The following KIRREL3 variants were observed in gnomAD, a reference collection of about 807,000 sequenced individuals.
KIRREL3 encodes kin of IRRE-like protein 3.
A neutral mutation model predicts 89.7 loss-of-function variants in KIRREL3; 36 were observed. The observed-to-expected ratio is 0.40, with a 90% CI of 0.31 to 0.53. The LOEUF is 0.53. KIRREL3 is among the 20% of genes least tolerant of loss of function. The probability of loss-of-function intolerance (pLI) is 0.49; values close to 1 mark genes in which losing one functional copy is unlikely to be tolerated. For missense variants in KIRREL3, 864 were observed against 1,056.6 expected (o/e 0.82, Z 2.53); for synonymous variants, 445 against 441.4 (o/e 1.01, Z -0.10).
In KIRREL3 at chr11:126,898,236, G is replaced by C. The variant is rs1361549446; in HGVS notation, c.55+102219C>G. On this transcript the variant is annotated intron_variant, in intron 1 of 16. Coordinates refer to ENST00000525144, the MANE Select transcript of KIRREL3 (RefSeq NM_032531.4). This position sits in a 1 kb window ranked among gnomAD's most constrained non-coding sequence, Gnocchi z 4.9. ...TGAAACACTACTTTATGCCAATTAG[G>C]TTAGCAAGAATTAGAAAACTGAAGG... 6.6e-6 allele frequency among the ~76,000 whole-genome samples: 1 copy of C among 152,146 alleles called. No individual in the cohort carries two copies. The highest frequency in any genetic ancestry group is 1.5e-5 in the Non-Finnish European group (1 of 68,034).
chr11:126,925,578 C>T (rs1454782149), intron 1 of KIRREL3, among the ~76,000 whole-genome samples: 3 of 152,176 alleles, frequency 2.0e-5, no homozygotes, highest in Non-Finnish European at 2.9e-5. Context: ...CCTGCCCTCT[C>T]CTCCTTGGCA....
At chr11:126,701,986 T>C (rs1397915815) in intron 1 of KIRREL3, among the ~76,000 whole-genome samples, 1 of 152,178 alleles carries the variant, frequency 6.6e-6, no homozygotes, top group East Asian at 1.9e-4. Flanking sequence ...TAGGTCTCCT[T>C]CCTTTCTTTA....
At chr11:126,920,221 C>T (rs1273283380) in intron 1 of KIRREL3, 1 of 152,534 alleles carries the variant, frequency 6.6e-6, no homozygotes, top group Non-Finnish European at 1.5e-5. Flanking sequence ...TATTATTGCT[C>T]TTGCACAATC....
chr11:126,695,763 C>A (rs12798021), intron 1 of KIRREL3, among the ~76,000 whole-genome samples: 5,717 of 152,224 alleles, frequency 0.038, 128 homozygotes, highest in Middle Eastern at 0.1. Flanking sequence ...GGGAAGGAGG[C>A]AGGGAGAGGG....
Position 126,965,037 on chromosome 11 carries a change from C to T in KIRREL3, c.55+35418G>A, listed in dbSNP as rs964715702. Among the ~76,000 whole-genome samples, 5 of 152,168 alleles carry T rather than the reference C, an allele frequency of 3.3e-5. No homozygotes were observed. Among genetic ancestry groups the T allele is most frequent in the Non-Finnish European group, 7.3e-5 (5 of 68,032 alleles). On this transcript the variant is annotated intron_variant, in intron 1 of 16. Transcript: ENST00000525144. This position sits in a 1 kb window ranked among gnomAD's most constrained non-coding sequence, Gnocchi z 4.4. ...CTAGCAGATGCATAAAAGTGTTGTACTCCCAACTCAACAGATGGGATATTA... is the reference window on the plus strand; with the variant it reads ...CTAGCAGATGCATAAAAGTGTTGTATTCCCAACTCAACAGATGGGATATTA...
chr11:126,532,398 G>A (rs188837845), intron 2 of KIRREL3, among the ~76,000 whole-genome samples: 92 of 139,016 alleles, frequency 6.6e-4, no homozygotes, highest in South Asian at 3.5e-3. Context: ...ATTTTGAGAC[G>A]GAGTCTTGCT....
intron 1 of KIRREL3, among the ~76,000 whole-genome samples, chr11:126,964,264 C>T (rs991631331): frequency 2.6e-5 from 4 of 152,154 alleles, no homozygotes; most frequent in African/African-American, 9.7e-5. Context: ...GTGAAAGCAA[C>T]ACATCTGTTC....
intron 4 of KIRREL3, among the ~76,000 whole-genome samples, chr11:126,509,135 T>C (rs1484326055): frequency 6.6e-6 from 1 of 152,206 alleles, no homozygotes; most frequent in Non-Finnish European, 1.5e-5. Context: ...CTCCTAGGCA[T>C]GAGCATCTTA....
intron 10 of KIRREL3, chr11:126,440,827 G>A (rs1039022740): frequency 5.7e-6 from 3 of 523,206 alleles, no homozygotes; most frequent in African/African-American, 1.9e-5. Context: ...AGTACCACAG[G>A]AGCGGTGCAG....
rs992088687 is a variant in KIRREL3 at position 126,516,758 on chromosome 11, C to T, written c.433+4557G>A. ...TTCAATATTTTTCAACCCTGGGATT[C>T]CTGTAGGTGGAAGAAGGAGCAGTCT... On this transcript the variant is annotated intron_variant, in intron 4 of 16. Coordinates refer to ENST00000525144, the MANE Select transcript of KIRREL3 (RefSeq NM_032531.4). This position sits in a 1 kb window ranked among gnomAD's most constrained non-coding sequence, Gnocchi z 4.9. Among the ~76,000 whole-genome samples the T allele has an allele frequency of 1.3e-5, 2 of 152,124 alleles. No individual in the cohort carries two copies. The highest frequency in any genetic ancestry group is 6.5e-5 in the Admixed American group (1 of 15,280).
Position 126,879,409 on chromosome 11 carries a change from G to A in KIRREL3, c.55+121046C>T, listed in dbSNP as rs1004126218. Among the ~76,000 whole-genome samples the A allele has an allele frequency of 6.6e-5, 10 of 152,186 alleles. No homozygotes were observed. Among genetic ancestry groups the A allele is most frequent in the East Asian group, 1.9e-4 (1 of 5,200 alleles). On this transcript the variant is annotated intron_variant, in intron 1 of 16. Coordinates refer to ENST00000525144, the MANE Select transcript of KIRREL3 (RefSeq NM_032531.4). The surrounding 1 kb of genome is among the most constrained non-coding windows in gnomAD (Gnocchi z 5.4). ...CTTTTTTGTGGCAGCCAGCTGTACC[G>A]GAGAAGCAGCTGATGAGGTTGCAGT...
At chr11:126,848,945 A>G (rs994619100) in intron 1 of KIRREL3, among the ~76,000 whole-genome samples, 1 of 152,200 alleles carries the variant, frequency 6.6e-6, no homozygotes, top group Non-Finnish European at 1.5e-5. Context: ...TAGGATTAAG[A>G]GTTCTCTTAT....
Position 127,000,359 on chromosome 11 carries a change from G to C in KIRREL3, c.55+96C>G. 1.0e-6 allele frequency: 1 copy of C among 979,758 alleles called. No individual in the cohort carries two copies. Among genetic ancestry groups the C allele is most frequent in the Non-Finnish European group, 1.5e-6 (1 of 658,774 alleles). The allele number at this position is 979,758 out of a possible 1,614,324, so 60.7% of individuals were successfully genotyped here. A position where few individuals can be genotyped will look rare whatever the true frequency, so the allele number is the denominator to read the frequency against. ...CACCGAGAGACGCATCCATCAGTCCGAGTTCCCGAAGCCTGCCCACGTTCC... is the reference window on the plus strand; with the variant it reads ...CACCGAGAGACGCATCCATCAGTCCCAGTTCCCGAAGCCTGCCCACGTTCC... On this transcript the variant is annotated intron_variant, in intron 1 of 16. Coordinates refer to ENST00000525144, the MANE Select transcript of KIRREL3 (RefSeq NM_032531.4). This position sits in a 1 kb window ranked among gnomAD's most constrained non-coding sequence, Gnocchi z 7.1.
Position 126,908,867 on chromosome 11 carries a change from C to T in KIRREL3, c.55+91588G>A, listed in dbSNP as rs904048424. 6.6e-6 allele frequency among the ~76,000 whole-genome samples: 1 copy of T among 152,072 alleles called. No individual in the cohort carries two copies. On this transcript the variant is annotated intron_variant, in intron 1 of 16. Coordinates refer to ENST00000525144, the MANE Select transcript of KIRREL3 (RefSeq NM_032531.4). The surrounding 1 kb of genome is among the most constrained non-coding windows in gnomAD (Gnocchi z 4.2). ...CCTCTTGGGTATCACAATCTGCGGA[C>T]GCTCGAGTCTCTGATATAAAGTAGT...
intron 1 of KIRREL3, among the ~76,000 whole-genome samples, chr11:126,650,854 A>G (rs1274710879): frequency 6.6e-6 from 1 of 152,228 alleles, no homozygotes; most frequent in Non-Finnish European, 1.5e-5. Context: ...GACATACCCA[A>G]GACTGGGAAG....
chr11:126,441,018 C>G lies in KIRREL3; in HGVS notation c.1253-469G>C, dbSNP rs12223368. On this transcript the variant is annotated intron_variant, in intron 10 of 16. Transcript: ENST00000525144. The surrounding 1 kb of genome is among the most constrained non-coding windows in gnomAD (Gnocchi z 5.0). The stretch of plus-strand genomic sequence containing the variant: ...TTCCTCAGATATCCAGTAGAGGGCG[C>G]CCTTGCCTAACAAATGGGAGCTGCT... The G allele has an allele frequency of 3.9e-5, 7 of 177,252 alleles. No individual in the cohort carries two copies. In the East Asian group the frequency reaches 1.1e-3, roughly 28 times the overall value. 11.0% of individuals were successfully genotyped at this position (177,252 alleles called of 1,614,324 possible).
rs7113465 is a variant in KIRREL3 at position 126,424,193 on chromosome 11, C to T, written c.*387G>A. On this transcript the variant is annotated 3_prime_UTR_variant, in exon 17 of 17. Coordinates refer to ENST00000525144, the MANE Select transcript of KIRREL3 (RefSeq NM_032531.4). Reference sequence around the variant, plus strand: ...AGGGGTAGGTAGAGCTTCTGGTCAGCGAGGGGTAGAGCCCACAGAGAGACC... The same window carrying T: ...AGGGGTAGGTAGAGCTTCTGGTCAGTGAGGGGTAGAGCCCACAGAGAGACC... The T allele has an allele frequency of 0.3, 80,843 of 270,888 alleles. 13,353 individuals are homozygous for T. Among genetic ancestry groups the T allele is most frequent in the East Asian group, 0.65 (7,623 of 11,646 alleles). The allele number at this position is 270,888 out of a possible 1,614,324, so 16.8% of individuals were successfully genotyped here.
chr11:126,753,704 T>C (rs1949408246), intron 1 of KIRREL3, among the ~76,000 whole-genome samples: 1 of 152,134 alleles, frequency 6.6e-6, no homozygotes, highest in Non-Finnish European at 1.5e-5. Context: ...AACCTGAGCA[T>C]TGGATCTGAG....
At chr11:126,465,036 G>A (rs758231671) in intron 5 of KIRREL3, among the ~76,000 whole-genome samples, 17 of 152,068 alleles carry the variant, frequency 1.1e-4, no homozygotes, top group African/African-American at 2.2e-4. Context: ...ACTTTGGGGC[G>A]CACTAAGTCA....
Sources: gnomAD v4.1 joint callset for allele counts (sites outside exome capture counted in the v4.1 genomes callset) on GRCh38, gnomAD v4.1.1 for gene constraint, Gnocchi (gnomAD v3.1) non-coding constraint, MANE v1.5 for transcripts, NCBI Gene and HGNC (gene_info 2026-07-23, HGNC 2026-07-21) for gene names.